Variants in OTUD7A observed in about 807,000 individuals in gnomAD.
The protein encoded by OTUD7A is OTU deubiquitinase 7A.
A neutral mutation model predicts 65.7 loss-of-function variants in OTUD7A; 12 were observed. The observed-to-expected ratio is 0.18, with a 90% CI of 0.12 to 0.30. The LOEUF (loss-of-function observed/expected upper bound fraction) is 0.30. Ranked by LOEUF, OTUD7A falls within the 10% of genes least tolerant of loss-of-function variation. OTUD7A has a pLI of 1.00. For missense variants in OTUD7A, 1,148 were observed against 1,304.8 expected (o/e 0.88, Z 1.85); for synonymous variants, 641 against 586.3 (o/e 1.09, Z -1.35).
At chr15:31,859,151 T>C (rs936571302) in intron 1 of OTUD7A, among the ~76,000 whole-genome samples, 16 of 152,380 alleles carry the variant, frequency 1.1e-4, no homozygotes, top group African/African-American at 3.8e-4. Context: ...TGGCTGTACA[T>C]CTTACTATTG....
intron 1 of OTUD7A, among the ~76,000 whole-genome samples, chr15:31,815,242 A>G (rs1042511202): frequency 6.6e-5 from 10 of 150,968 alleles, no homozygotes; most frequent in Non-Finnish European, 1.5e-4. Flanking sequence ...CATAGCAGCA[A>G]TTACATACAG....
At chr15:31,830,635 T>C (rs1237459651) in intron 1 of OTUD7A, among the ~76,000 whole-genome samples, 1 of 152,270 alleles carries the variant, frequency 6.6e-6, no homozygotes, top group Non-Finnish European at 1.5e-5. Flanking sequence ...TTTCACCCTG[T>C]TGTTCCTGAA....
rs114507675 is a variant in OTUD7A at position 31,867,324 on chromosome 15, A to G, written c.-100+3183T>C. ...TCATCAGAGAAATTTTGAGGCCAAG[A>G]GCCCTTCCCATCTCATTTAGGCACG... On this transcript the variant is annotated intron_variant, in intron 1 of 12. Coordinates refer to ENST00000307050, the MANE Select transcript of OTUD7A (RefSeq NM_001382637.1). 7.0e-3 allele frequency among the ~76,000 whole-genome samples: 1,065 copies of G among 152,308 alleles called. 14 individuals carry two copies. Among genetic ancestry groups the G allele is most frequent in the African/African-American group, 0.025 (1,025 of 41,574 alleles).
intron 1 of OTUD7A, among the ~76,000 whole-genome samples, chr15:31,855,089 G>GA (rs1690149378): frequency 6.6e-6 from 1 of 151,882 alleles, no homozygotes; most frequent in Non-Finnish European, 1.5e-5. Flanking sequence ...ATTGTTAACA[G>GA]AAAAAAGGTC....
At chr15:31,759,008 T>C (rs1205140929) in intron 1 of OTUD7A, among the ~76,000 whole-genome samples, 1 of 152,206 alleles carries the variant, frequency 6.6e-6, no homozygotes, top group Non-Finnish European at 1.5e-5. Flanking sequence ...TTTAAATCCC[T>C]AATAATTTAA....
In OTUD7A at chr15:31,486,861, G is replaced by A. The variant is rs146999419; in HGVS notation, c.1371+333C>T. Among the ~76,000 whole-genome samples, 219 of 152,374 alleles carry A rather than the reference G, an allele frequency of 1.4e-3. 1 individual carries two copies. The highest frequency in any genetic ancestry group is 5.0e-3 in the African/African-American group (209 of 41,592). On this transcript the variant is annotated intron_variant, in intron 12 of 12. Transcript: ENST00000307050. ...CCTGTGGCTTGTTTTCTGAGTGGGC[G>A]TGTTGATTCCTTCTGCAGAAAATAG... is the stretch of plus-strand genomic sequence containing the variant.
At position 31,510,975 on chromosome 15, in the gene OTUD7A, A is replaced by ATG. The variant is rs1555391633; in HGVS notation, c.894-7159_894-7158dup. On this transcript the variant is annotated intron_variant, in intron 8 of 12. Transcript: ENST00000307050. ...ATATATGTATATCTATATGTAACATATGTATATCTATATGTAACATATGTA... is the reference window on the plus strand; with the variant it reads ...ATATATGTATATCTATATGTAACATATGTGTATATCTATATGTAACATATGTA... Among the ~76,000 whole-genome samples, 5 of 102,594 alleles carry ATG rather than the reference A, an allele frequency of 4.9e-5. 2 individuals carry two copies. In the East Asian group the frequency reaches 8.1e-4, roughly 17 times the overall value. 67.3% of individuals were successfully genotyped at this position (102,594 alleles called of 152,430 possible).
intron 5 of OTUD7A, among the ~76,000 whole-genome samples, chr15:31,535,958 G>C (rs1330217857): frequency 6.6e-6 from 1 of 152,120 alleles, no homozygotes; most frequent in Non-Finnish European, 1.5e-5. Flanking sequence ...GGGATTACAG[G>C]TGTGAGCCAC....
intron 8 of OTUD7A, among the ~76,000 whole-genome samples, chr15:31,504,568 A>C (rs1468775513): frequency 6.6e-6 from 1 of 152,244 alleles, no homozygotes; most frequent in Non-Finnish European, 1.5e-5. Context: ...CAGAGCTCAC[A>C]GCGTTATGGA....
In OTUD7A at chr15:31,487,654, G is replaced by T; in HGVS notation, c.1172-88C>A. On this transcript the variant is annotated intron_variant, in intron 10 of 12. Coordinates refer to ENST00000307050, the MANE Select transcript of OTUD7A (RefSeq NM_001382637.1). This position sits in a 1 kb window ranked among gnomAD's most constrained non-coding sequence, Gnocchi z 6.0. ...AAATTCCCAAGCCAGGTATCTGGGT[G>T]ACAAATGCACCGAGTGGACATCTAC... 1.0e-6 allele frequency: 1 copy of T among 1,001,082 alleles called. No individual in the cohort carries two copies. Among genetic ancestry groups the T allele is most frequent in the South Asian group, 1.6e-5 (1 of 61,214 alleles). 62.0% of individuals were successfully genotyped at this position (1,001,082 alleles called of 1,614,324 possible). A position where few individuals can be genotyped will look rare whatever the true frequency, so the allele number is the denominator to read the frequency against.
At chr15:31,798,485 T>C (rs1896032328) in intron 1 of OTUD7A, among the ~76,000 whole-genome samples, 1 of 152,080 alleles carries the variant, frequency 6.6e-6, no homozygotes, top group Admixed American at 6.5e-5. Flanking sequence ...GCACATAAAA[T>C]GAACAAGGCA....
intron 5 of OTUD7A, among the ~76,000 whole-genome samples, chr15:31,551,090 C>A (rs1888308360): frequency 6.6e-6 from 1 of 151,902 alleles, no homozygotes; most frequent in Non-Finnish European, 1.5e-5. Flanking sequence ...TGTAAGCCAG[C>A]TTCTAGAAGT....
chr15:31,821,069 T>C (rs575722344), intron 1 of OTUD7A, among the ~76,000 whole-genome samples: 3 of 152,046 alleles, frequency 2.0e-5, no homozygotes, highest in African/African-American at 7.2e-5. Flanking sequence ...CTTTTGTGAC[T>C]GGCTCCTTTT....
intron 5 of OTUD7A, among the ~76,000 whole-genome samples, chr15:31,548,217 G>T (rs79434136): frequency 1.2e-4 from 8 of 67,368 alleles, no homozygotes; most frequent in East Asian, 8.7e-4. Context: ...ATCTGTGGGC[G>T]CCCTGGGCCA....
At chr15:31,858,683 C>T (rs1897641776) in intron 1 of OTUD7A, among the ~76,000 whole-genome samples, 1 of 152,222 alleles carries the variant, frequency 6.6e-6, no homozygotes, top group African/African-American at 2.4e-5. Context: ...GCCAGGTTCC[C>T]CGTCTTGCCT....
intron 8 of OTUD7A, among the ~76,000 whole-genome samples, chr15:31,520,644 A>C (rs914943976): frequency 6.6e-6 from 1 of 152,226 alleles, no homozygotes; most frequent in African/African-American, 2.4e-5. Context: ...ACAAAAATAG[A>C]TGTTGGTGAG....
At chr15:31,557,476 G>C (rs886301286) in intron 5 of OTUD7A, 2 of 152,266 alleles carry the variant, frequency 1.3e-5, no homozygotes, top group Non-Finnish European at 2.9e-5. Context: ...AAGAGGCACT[G>C]GTCAGAACCT....
intron 1 of OTUD7A, chr15:31,766,584 G>A (rs760043605): frequency 1.3e-4 from 207 of 1,612,758 alleles, no homozygotes; most frequent in Middle Eastern, 4.9e-4. Flanking sequence ...TGGTTTCATG[G>A]TAATTTCAGC....
At chr15:31,799,989 C>T (rs1029026504) in intron 1 of OTUD7A, among the ~76,000 whole-genome samples, 5 of 152,140 alleles carry the variant, frequency 3.3e-5, no homozygotes, top group Non-Finnish European at 7.3e-5. Flanking sequence ...ACTGAAACCA[C>T]ACTTCAGACG....
Sources: gnomAD v4.1 joint callset for allele counts (sites outside exome capture counted in the v4.1 genomes callset) on GRCh38, gnomAD v4.1.1 for gene constraint, Gnocchi (gnomAD v3.1) non-coding constraint, MANE v1.5 for transcripts, NCBI Gene and HGNC (gene_info 2026-07-23, HGNC 2026-07-21) for gene names.